The following PYGB variants were observed in gnomAD, a reference collection of about 807,000 sequenced individuals.
PYGB encodes the protein glycogen phosphorylase, brain form.
PYGB carries 82 observed loss-of-function variants against 94.3 expected under a neutral mutation model. That is an observed-to-expected ratio of 0.87 (90% CI 0.73 to 1.04). The LOEUF (loss-of-function observed/expected upper bound fraction) is 1.04, where lower values mean the gene tolerates loss of function less well. Among genes scored for constraint, PYGB ranks in the 50% least tolerant of loss-of-function variants. PYGB has a pLI of 0.00. For synonymous variants in PYGB, 488 were observed against 479.1 expected, an observed-to-expected ratio of 1.02 and a Z score of -0.24; for missense variants, 1,132 against 1,158.2, an observed-to-expected ratio of 0.98 and a Z score of 0.33.
Position 25,248,394 on chromosome 20 carries a change from G to A in PYGB, c.216G>A (p.Gln72=). 2 of 1,580,192 alleles carry A rather than the reference G, an allele frequency of 1.3e-6. No homozygotes were observed. Among genetic ancestry groups the A allele is most frequent in the Non-Finnish European group, 1.7e-6 (2 of 1,164,752 alleles). The change falls in exon 1 of 20, where the codon CAG becomes CAA. Residue 72 remains glutamine, a synonymous_variant. Coordinates refer to ENST00000216962, the MANE Select transcript of PYGB (RefSeq NM_002862.4). The part of the protein sequence containing the change: ...DHLVGRWIRT[Q]QHYYERDPKR... ...TCGTGGGCCGCTGGATCCGCACGCA[G>A]CAGCACTACTACGAGCGCGACCCCA...
chr20:25,297,026 C>G lies in PYGB; in HGVS notation c.*504C>G, dbSNP rs1416088013. The G allele has an allele frequency of 6.1e-6, 1 of 163,734 alleles. No homozygotes were observed. The highest frequency in any genetic ancestry group is 5.6e-5 in the Admixed American group (1 of 17,794). The allele number at this position is 163,734 out of a possible 1,614,324, so 10.1% of individuals were successfully genotyped here. A position where few individuals can be genotyped will look rare whatever the true frequency, so the allele number is the denominator to read the frequency against. On this transcript the variant is annotated 3_prime_UTR_variant, in exon 20 of 20. Coordinates refer to ENST00000216962, the MANE Select transcript of PYGB (RefSeq NM_002862.4). ...TGCCCAGCCCTGCCTCCTGGCCATG[C>G]CGGGAGGGGTCGGATCCTCTAGGCA...
At chr20:25,295,280 C>G (rs932801781) in intron 18 of PYGB, among the ~76,000 whole-genome samples, 1 of 152,264 alleles carries the variant, frequency 6.6e-6, no homozygotes, top group East Asian at 1.9e-4. Flanking sequence ...CCACTGTCTG[C>G]CCAGGAGGCC....
rs1025459666 is a variant in PYGB, at chr20:25,278,924, C to T, written c.1000-133C>T. The T allele has an allele frequency of 8.5e-6, 7 of 821,140 alleles. No homozygotes were observed. In the African/African-American group the frequency reaches 1.0e-4, roughly 12 times the overall value. The allele number at this position is 821,140 out of a possible 1,614,324, so 50.9% of individuals were successfully genotyped here. ...TCCCTGCTCCCTCCACAGAACCCCT[C>T]CCTGTTCTCCAGGCTTCTCGGGGGT... On this transcript the variant is annotated intron_variant, in intron 8 of 19. Transcript: ENST00000216962.
In PYGB at chr20:25,296,597, CTT is replaced by C; in HGVS notation, c.*77_*78del. The stretch of plus-strand genomic sequence containing the variant: ...TTGCACCTCCTTTTTTCCCCAAACA[CTT>C]TGCCAGCCACTGGTGGTCCCTGCTT... On this transcript the variant is annotated 3_prime_UTR_variant, in exon 20 of 20. Transcript: ENST00000216962. 2 of 1,519,178 alleles carry C rather than the reference CTT, an allele frequency of 1.3e-6. No homozygotes were observed. Among genetic ancestry groups the C allele is most frequent in the Non-Finnish European group, 8.9e-7 (1 of 1,128,174 alleles). The allele number at this position is 1,519,178 out of a possible 1,614,324, so 94.1% of individuals were successfully genotyped here.
intron 2 of PYGB, 130 bp from the exon 3 acceptor site, chr20:25,268,999 A>T: frequency 1.3e-6 from 1 of 759,736 alleles, no homozygotes; most frequent in South Asian, 1.6e-5. Context: ...TTAACATTGA[A>T]TTTTCAAGTC....
In PYGB at chr20:25,283,215, A is replaced by T. The variant is rs780955285; in HGVS notation, c.1558A>T (p.Lys520Ter). Residue 520 changes from lysine (K) to a stop codon, truncating the protein, a stop_gained, in exon 13 of 20, where the codon AAG (lysine) becomes TAG (stop). Transcript: ENST00000216962. LOFTEE classifies it high-confidence loss of function. Reference protein sequence around the residue: ...EEFLTDLSQLKKLLPLVSDEV... With the variant: ...EEFLTDLSQL ...GTTCCTGACTGACCTGAGCCAGCTG[A>T]AGAAGCTGCTGCCGCTGGTCAGTGA... 4 of 1,613,854 alleles carry T rather than the reference A, an allele frequency of 2.5e-6. No homozygotes were observed. Among genetic ancestry groups the T allele is most frequent in the Non-Finnish European group, 3.4e-6 (4 of 1,179,842 alleles).
At chr20:25,295,563 C>G (rs1210312719) in intron 18 of PYGB, 41 bp from the exon 19 acceptor site, 2 of 1,581,080 alleles carry the variant, frequency 1.3e-6, no homozygotes, top group Non-Finnish European at 1.7e-6. Context: ...GTGGGCAGGG[C>G]TCCCTGCTGC....
intron 6 of PYGB, 81 bp from the exon 7 acceptor site, chr20:25,277,163 C>G (rs1046616064): frequency 8.6e-7 from 1 of 1,160,806 alleles, no homozygotes; most frequent in Non-Finnish European, 1.3e-6. Context: ...TTTCCTTGGC[C>G]TTTGCAAGTA....
chr20:25,250,669 C>G (rs1025851802), intron 1 of PYGB, among the ~76,000 whole-genome samples: 1 of 152,120 alleles, frequency 6.6e-6, no homozygotes, highest in Non-Finnish European at 1.5e-5. Flanking sequence ...AGGTGTGCTC[C>G]CAAGAAAATA....
intron 18 of PYGB, chr20:25,294,659 G>GGGGC: frequency 1.8e-6 from 1 of 567,896 alleles, no homozygotes; most frequent in Non-Finnish European, 3.2e-6. Context: ...GGTGGGGTAG[G>GGGGC]GGGCGCACAA....
chr20:25,294,996 T>A (rs748204704), intron 18 of PYGB: 2 of 1,614,228 alleles, frequency 1.2e-6, no homozygotes, highest in Non-Finnish European at 1.7e-6. Flanking sequence ...GACCACATGC[T>A]GGGATCTGGG....
In PYGB at chr20:25,276,562, CAGG is replaced by C. The variant is rs2088312667; in HGVS notation, c.661-77_661-75del. ...GGGGGCCAGCAGGGCGCCAGGTGCC[CAGG>C]AGGAGGCTGGGCCGGGGAGAGGCAC... On this transcript the variant is annotated intron_variant, in intron 5 of 19. Transcript: ENST00000216962. 6.0e-6 allele frequency: 7 copies of C among 1,167,784 alleles called. No homozygotes were observed. The Admixed American group carries it at 1.3e-4, about 21-fold the overall frequency. The allele number at this position is 1,167,784 out of a possible 1,614,324, so 72.3% of individuals were successfully genotyped here.
At chr20:25,261,059 A>G (rs539733044) in intron 2 of PYGB, among the ~76,000 whole-genome samples, 19 of 152,382 alleles carry the variant, frequency 1.2e-4, no homozygotes, top group Admixed American at 1.1e-3. Context: ...GGGGCAGGGC[A>G]TAGCTGAACA....
At chr20:25,280,474 C>T in intron 10 of PYGB, 62 bp downstream of exon 10, 2 of 1,573,334 alleles carry the variant, frequency 1.3e-6, no homozygotes, top group South Asian at 2.3e-5. Context: ...CGGCCCCCCA[C>T]CTGGCCTGGG....
intron 2 of PYGB, among the ~76,000 whole-genome samples, chr20:25,266,020 A>G (rs887902622): frequency 4.6e-5 from 7 of 151,516 alleles, no homozygotes; most frequent in Non-Finnish European, 7.4e-5. Context: ...GATAGTATAT[A>G]TTACTCTATA....
In PYGB at chr20:25,256,508, AC is replaced by A. The variant is rs1160354423; in HGVS notation, c.244-2728del. ...GAAACTCTGTCTCAAAAAAAAAAAA[AC>A]AAAAACAAAAACAAAAAACAGGCTG... is the stretch of plus-strand genomic sequence containing the variant. On this transcript the variant is annotated intron_variant, in intron 1 of 19. Transcript: ENST00000216962. Among the ~76,000 whole-genome samples, 688 of 146,844 alleles carry A rather than the reference AC, an allele frequency of 4.7e-3. 2 individuals carry two copies. Among genetic ancestry groups the A allele is most frequent in the Admixed American group, 8.3e-3 (124 of 14,962 alleles).
intron 2 of PYGB, among the ~76,000 whole-genome samples, chr20:25,264,031 A>G (rs1235788633): frequency 6.6e-6 from 1 of 152,226 alleles, no homozygotes; most frequent in Non-Finnish European, 1.5e-5. Context: ...AAATCATAGT[A>G]AAATACTGGC....
At chr20:25,286,989 C>G (rs2088423932) in intron 14 of PYGB, among the ~76,000 whole-genome samples, 1 of 152,184 alleles carries the variant, frequency 6.6e-6, no homozygotes, top group African/African-American at 2.4e-5. Context: ...TGCATTCCTC[C>G]TGGAGCCTGG....
intron 1 of PYGB, among the ~76,000 whole-genome samples, chr20:25,257,400 C>T (rs562197873): frequency 6.6e-6 from 1 of 152,344 alleles, no homozygotes; most frequent in Admixed American, 6.5e-5. Context: ...CCCAGCACTT[C>T]CCGTGTCAGT....
Sources: gnomAD v4.1 joint callset for allele counts (sites outside exome capture counted in the v4.1 genomes callset) on GRCh38, gnomAD v4.1.1 for gene constraint, MANE v1.5 for transcripts, NCBI Gene and HGNC (gene_info 2026-07-23, HGNC 2026-07-21) for gene names.